CAMK1D: variants seen among roughly 807,000 people sequenced by gnomAD.
CAMK1D encodes calcium/calmodulin-dependent protein kinase type 1D.
A neutral mutation model predicts 47.7 loss-of-function variants in CAMK1D; 9 were observed. The observed-to-expected ratio is 0.19, with a 90% CI of 0.11 to 0.33. CAMK1D has a LOEUF of 0.33. Among genes scored for constraint, CAMK1D ranks in the 10% least tolerant of loss-of-function variants. CAMK1D has a pLI of 1.00. For synonymous variants in CAMK1D, 184 were observed against 184.9 expected, an observed-to-expected ratio of 0.99 and a Z score of 0.04; for missense variants, 291 against 488.7, an observed-to-expected ratio of 0.60 and a Z score of 3.81.
At chr10:12,788,241 A>T (rs1165961742) in intron 5 of CAMK1D, among the ~76,000 whole-genome samples, 1 of 152,018 alleles carries the variant, frequency 6.6e-6, no homozygotes, top group Non-Finnish European at 1.5e-5. Flanking sequence ...CCCAGGATGG[A>T]GTGCAATGGC....
At chr10:12,775,050 A>C (rs1394169510) in intron 5 of CAMK1D, among the ~76,000 whole-genome samples, 10 of 150,830 alleles carry the variant, frequency 6.6e-5, no homozygotes, top group African/African-American at 2.4e-4. Context: ...GAGAAGGCTC[A>C]GGCATTGATC....
chr10:12,519,028 C>T (rs1459031861), intron 1 of CAMK1D, among the ~76,000 whole-genome samples: 5 of 114,274 alleles, frequency 4.4e-5, no homozygotes, highest in African/African-American at 1.3e-4. Flanking sequence ...GGGTGGTGGC[C>T]GGGCAGAGGG....
intron 2 of CAMK1D, among the ~76,000 whole-genome samples, chr10:12,630,520 G>A (rs1839349416): frequency 6.6e-6 from 1 of 151,724 alleles, no homozygotes; most frequent in Non-Finnish European, 1.5e-5. Context: ...GGGACTATAG[G>A]CACTCACCAC....
At chr10:12,424,867 C>T (rs1027108418) in intron 1 of CAMK1D, among the ~76,000 whole-genome samples, 3 of 152,206 alleles carry the variant, frequency 2.0e-5, no homozygotes, top group Admixed American at 1.3e-4. Context: ...CTTCATTCAA[C>T]TCCCTCTTGC....
chr10:12,366,272 AC>A (rs1291025797), intron 1 of CAMK1D, among the ~76,000 whole-genome samples: 1 of 152,170 alleles, frequency 6.6e-6, no homozygotes, highest in Non-Finnish European at 1.5e-5. Flanking sequence ...AAGTGATGGT[AC>A]CCTAAGAAGA....
rs61847360 is a variant in CAMK1D, at chr10:12,671,029, T to C, written c.299+4219T>C. Among the ~76,000 whole-genome samples the C allele has an allele frequency of 7.7e-3, 1,166 of 152,340 alleles. 10 individuals are homozygous for C. The highest frequency in any genetic ancestry group is 0.013 in the Non-Finnish European group (887 of 68,022). On this transcript the variant is annotated intron_variant, in intron 3 of 10. Transcript: ENST00000619168. ...CTATGGATTTGCCTGTTTTAGACTT[T>C]TCATATGAATGGAATTATACAACAT...
intron 1 of CAMK1D, among the ~76,000 whole-genome samples, chr10:12,388,072 T>C (rs936059286): frequency 3.3e-5 from 5 of 152,082 alleles, no homozygotes; most frequent in African/African-American, 9.7e-5. Flanking sequence ...TTGAGTAGGT[T>C]GAGGTGACTC....
chr10:12,684,040 A>C (rs967823834), intron 3 of CAMK1D, among the ~76,000 whole-genome samples: 2 of 152,196 alleles, frequency 1.3e-5, no homozygotes, highest in African/African-American at 4.8e-5. Flanking sequence ...AGGAATAGCA[A>C]AAATGAAGGA....
At chr10:12,515,641 G>A (rs1274002134) in intron 1 of CAMK1D, among the ~76,000 whole-genome samples, 17 of 133,528 alleles carry the variant, frequency 1.3e-4, no homozygotes, top group East Asian at 2.2e-4. Context: ...ACAGAGTCTC[G>A]CTCTTTTTCT....
At chr10:12,675,462 C>T (rs1411481220) in intron 3 of CAMK1D, among the ~76,000 whole-genome samples, 1 of 152,180 alleles carries the variant, frequency 6.6e-6, no homozygotes, top group Non-Finnish European at 1.5e-5. Context: ...CTTCCAGTTG[C>T]CCAGGCCAAA....
At chr10:12,713,700 T>G (rs1198997678) in intron 3 of CAMK1D, among the ~76,000 whole-genome samples, 2 of 152,136 alleles carry the variant, frequency 1.3e-5, no homozygotes, top group Non-Finnish European at 2.9e-5. Flanking sequence ...GAAGGGCAGG[T>G]GGCCATGGAA....
chr10:12,432,555 A>G (rs1341800218), intron 1 of CAMK1D, among the ~76,000 whole-genome samples: 2 of 152,248 alleles, frequency 1.3e-5, no homozygotes, highest in African/African-American at 4.8e-5. Context: ...GGATGAGTTA[A>G]TGTGTGAATG....
At chr10:12,644,635 C>T (rs533503144) in intron 2 of CAMK1D, among the ~76,000 whole-genome samples, 5 of 152,304 alleles carry the variant, frequency 3.3e-5, no homozygotes, top group African/African-American at 1.2e-4. Flanking sequence ...GGAGCTTCCT[C>T]TAGAGCTTCA....
At chr10:12,732,664 A>ACCCCCC (rs1564522851) in intron 3 of CAMK1D, among the ~76,000 whole-genome samples, 23 of 111,646 alleles carry the variant, frequency 2.1e-4, no homozygotes, top group African/African-American at 1.0e-3. Flanking sequence ...TTATTCAATT[A>ACCCCCC]CCCCCGCCCC....
intron 3 of CAMK1D, among the ~76,000 whole-genome samples, chr10:12,735,627 T>C (rs1289907784): frequency 6.6e-6 from 1 of 152,186 alleles, no homozygotes; most frequent in Admixed American, 6.5e-5. Flanking sequence ...AGCTGGTCAC[T>C]CTCACCTCTA....
chr10:12,703,911 A>C (rs1833629508), intron 3 of CAMK1D, among the ~76,000 whole-genome samples: 1 of 152,184 alleles, frequency 6.6e-6, no homozygotes, highest in African/African-American at 2.4e-5. Context: ...ATAAAGGAGA[A>C]ATGAAAAGCT....
At chr10:12,718,307 A>T (rs1834234720) in intron 3 of CAMK1D, among the ~76,000 whole-genome samples, 1 of 150,292 alleles carries the variant, frequency 6.7e-6, no homozygotes, top group South Asian at 2.1e-4. Context: ...AAGCAGGTAG[A>T]AAAAATACCA....
At chr10:12,801,613 C>T (rs1838486154) in intron 6 of CAMK1D, among the ~76,000 whole-genome samples, 1 of 152,092 alleles carries the variant, frequency 6.6e-6, no homozygotes. Flanking sequence ...TTCATCCATC[C>T]TTCCATCCAT....
chr10:12,810,141 C>A (rs55894613), intron 6 of CAMK1D, among the ~76,000 whole-genome samples: 5,011 of 76,350 alleles, frequency 0.066, 118 homozygotes, highest in Non-Finnish European at 0.088. Context: ...AGAGAGAGAC[C>A]CTGTCTCATT....
Sources: allele counts gnomAD v4.1 joint callset (sites outside exome capture counted in the v4.1 genomes callset), GRCh38; gene constraint gnomAD v4.1.1; transcripts MANE v1.5; gene names NCBI Gene and HGNC (gene_info 2026-07-23, HGNC 2026-07-21).